FRMD4A: variants seen among roughly 807,000 people sequenced by gnomAD.
FRMD4A encodes the protein FERM domain containing 4A, also known as FERM domain-containing protein 4A.
In FRMD4A, 29 loss-of-function variants were observed where a neutral mutation model predicts 129.1. That is an observed-to-expected ratio of 0.22 (90% CI 0.17 to 0.31). FRMD4A has a LOEUF of 0.31. Ranked by LOEUF, FRMD4A falls within the 10% of genes least tolerant of loss-of-function variation. FRMD4A has a pLI of 1.00. For missense variants in FRMD4A, 1,272 were observed against 1,375.8 expected (o/e 0.92, Z 1.19); for synonymous variants, 634 against 571.6 (o/e 1.11, Z -1.56).
chr10:13,978,173 T>A (rs1588655364), intron 2 of FRMD4A, among the ~76,000 whole-genome samples: 2 of 152,324 alleles, frequency 1.3e-5, no homozygotes. Context: ...ATTACAGCCA[T>A]CCTAGTGTTA....
intron 3 of FRMD4A, among the ~76,000 whole-genome samples, chr10:13,835,515 C>T (rs1263471079): frequency 6.6e-6 from 1 of 152,086 alleles, no homozygotes; most frequent in Non-Finnish European, 1.5e-5. Flanking sequence ...ATAGCAGCTC[C>T]CCATCGCGCA....
chr10:13,870,487 A>G (rs563890189), intron 2 of FRMD4A, among the ~76,000 whole-genome samples: 81 of 152,324 alleles, frequency 5.3e-4, no homozygotes, highest in Non-Finnish European at 1.1e-3. Flanking sequence ...TTTTCACTCA[A>G]AGTCCAAAGC....
In FRMD4A at chr10:13,858,978, C is replaced by T. The variant is rs375021054; in HGVS notation, c.46-66G>A. ...GCCAGACAAAGGGTTAGAGGGTCGC[C>T]GACGCTGCACTCTGCCAGGCATATT... is the stretch of plus-strand genomic sequence containing the variant. On this transcript the variant is annotated intron_variant, in intron 2 of 24. Coordinates refer to ENST00000357447, the MANE Select transcript of FRMD4A (RefSeq NM_018027.5). 80 of 928,572 alleles carry T rather than the reference C, an allele frequency of 8.6e-5. No homozygotes were observed. In the African/African-American group the frequency reaches 1.0e-3, roughly 12 times the overall value. The allele number at this position is 928,572 out of a possible 1,614,324, so 57.5% of individuals were successfully genotyped here. A position where few individuals can be genotyped will look rare whatever the true frequency, so the allele number is the denominator to read the frequency against.
chr10:13,943,121 G>A (rs2095305708), intron 2 of FRMD4A, among the ~76,000 whole-genome samples: 1 of 151,978 alleles, frequency 6.6e-6, no homozygotes, highest in Non-Finnish European at 1.5e-5. Context: ...ATTACATTTG[G>A]GAGGAACCGT....
At chr10:14,153,566 T>G (rs1032436475) in intron 2 of FRMD4A, among the ~76,000 whole-genome samples, 4 of 152,122 alleles carry the variant, frequency 2.6e-5, no homozygotes, top group Admixed American at 2.0e-4. Context: ...GCTACACCAG[T>G]GTGTAGAGTA....
chr10:14,176,466 CTTTTTTTTTTT>C (rs35347674), intron 2 of FRMD4A, among the ~76,000 whole-genome samples: 17 of 72,832 alleles, frequency 2.3e-4, no homozygotes, highest in African/African-American at 5.1e-4. Context: ...TCACCTCCAT[CTTTTTTTTTTT>C]TTTTTTTTTT....
chr10:13,764,887 A>C (rs2092224519), intron 6 of FRMD4A, among the ~76,000 whole-genome samples: 2 of 152,214 alleles, frequency 1.3e-5, no homozygotes. Context: ...GGGACTTTGC[A>C]AAACCACAGG....
intron 2 of FRMD4A, among the ~76,000 whole-genome samples, chr10:14,207,225 T>C (rs1171832591): frequency 2.6e-5 from 4 of 152,150 alleles, no homozygotes; most frequent in Admixed American, 2.6e-4. Flanking sequence ...TATTATTATG[T>C]TAAGTGTCTA....
At chr10:13,854,218 C>T (rs1041719602) in intron 3 of FRMD4A, among the ~76,000 whole-genome samples, 1 of 152,148 alleles carries the variant, frequency 6.6e-6, no homozygotes, top group Admixed American at 6.5e-5. Flanking sequence ...TTTCTCTGCT[C>T]TCAACATACT....
In FRMD4A at chr10:14,053,473, T is replaced by C. The variant is rs371675049; in HGVS notation, c.46-194561A>G. On this transcript the variant is annotated intron_variant, in intron 2 of 24. Coordinates refer to ENST00000357447, the MANE Select transcript of FRMD4A (RefSeq NM_018027.5). ...CCCAGCCCTGCTGATCTACCCCCAGTGGAAGCTGGAATGCTCTCATTTTCC... is the reference window on the plus strand; with the variant it reads ...CCCAGCCCTGCTGATCTACCCCCAGCGGAAGCTGGAATGCTCTCATTTTCC... 2.4e-3 allele frequency among the ~76,000 whole-genome samples: 370 copies of C among 152,288 alleles called. 2 individuals are homozygous for C. The highest frequency in any genetic ancestry group is 8.1e-3 in the African/African-American group (338 of 41,560).
chr10:13,788,225 C>A, intron 5 of FRMD4A, among the ~76,000 whole-genome samples: 1 of 152,158 alleles, frequency 6.6e-6, no homozygotes, highest in East Asian at 1.9e-4. Flanking sequence ...CCCCTCCCAC[C>A]ACCTCTCGGC....
At chr10:14,092,305 A>C (rs1329316012) in intron 2 of FRMD4A, among the ~76,000 whole-genome samples, 3 of 152,232 alleles carry the variant, frequency 2.0e-5, no homozygotes, top group African/African-American at 7.2e-5. Flanking sequence ...CAACCTGCCT[A>C]TGGACAGTGA....
chr10:13,761,727 A>G (rs1588599313), intron 7 of FRMD4A, 58 bp from the exon 8 acceptor site: 1 of 1,142,130 alleles, frequency 8.8e-7, no homozygotes, highest in Non-Finnish European at 1.3e-6. Context: ...TAGAGACTCT[A>G]AAGTACATTC....
At chr10:14,157,661 T>G (rs561324427) in intron 2 of FRMD4A, among the ~76,000 whole-genome samples, 1 of 152,198 alleles carries the variant, frequency 6.6e-6, no homozygotes, top group African/African-American at 2.4e-5. Context: ...GGTCTTAGCA[T>G]CTTGCACTCA....
At chr10:14,051,031 A>G (rs1191826135) in intron 2 of FRMD4A, among the ~76,000 whole-genome samples, 2 of 152,206 alleles carry the variant, frequency 1.3e-5, no homozygotes, top group African/African-American at 2.4e-5. Flanking sequence ...TTGTGTCCTG[A>G]GCCCTTTACT....
rs1259780771 is a variant in FRMD4A at position 13,689,546 on chromosome 10, A to ATTT, written c.1117+4351_1117+4352insAAA. ...ACACTCTAGGAACATAGATTAGAAG[A>ATTT]TTCTTTTTTTTTTTTTTTTTTAAGA... is the stretch of plus-strand genomic sequence containing the variant. On this transcript the variant is annotated intron_variant, in intron 15 of 24. Transcript: ENST00000357447. 3.2e-4 allele frequency among the ~76,000 whole-genome samples: 33 copies of ATTT among 104,418 alleles called. 1 individual carries two copies. Among genetic ancestry groups the ATTT allele is most frequent in the African/African-American group, 1.1e-3 (25 of 22,682 alleles). The allele number at this position is 104,418 out of a possible 152,430, so 68.5% of individuals were successfully genotyped here. A position where few individuals can be genotyped will look rare whatever the true frequency, so the allele number is the denominator to read the frequency against.
At chr10:14,269,553 C>G (rs1160191670) in intron 2 of FRMD4A, among the ~76,000 whole-genome samples, 3 of 152,180 alleles carry the variant, frequency 2.0e-5, no homozygotes, top group African/African-American at 7.2e-5. Context: ...CTCTCTGACC[C>G]TACTCCATTA....
intron 12 of FRMD4A, among the ~76,000 whole-genome samples, chr10:13,722,227 CTTTTTTTT>C (rs1204085901): frequency 2.4e-5 from 3 of 126,816 alleles, no homozygotes; most frequent in Non-Finnish European, 3.3e-5. Context: ...GGCCAGGGCT[CTTTTTTTT>C]TTTTTTTTTT....
chr10:14,299,939 T>C (rs1589281919), intron 2 of FRMD4A, among the ~76,000 whole-genome samples: 1 of 151,942 alleles, frequency 6.6e-6, no homozygotes, highest in East Asian at 1.9e-4. Flanking sequence ...TGTTATAACA[T>C]GAGGAAGCAG....
Sources: allele counts gnomAD v4.1 joint callset (sites outside exome capture counted in the v4.1 genomes callset), GRCh38; gene constraint gnomAD v4.1.1; transcripts MANE v1.5; gene names NCBI Gene and HGNC (gene_info 2026-07-23, HGNC 2026-07-21).